The following TNRC6A variants were observed in gnomAD, a reference collection of about 807,000 sequenced individuals.
TNRC6A encodes trinucleotide repeat-containing gene 6A protein.
In TNRC6A, 44 loss-of-function variants were observed where a neutral mutation model predicts 221.2. The ratio of observed to expected loss-of-function variants is 0.20; its 90% CI spans 0.16 to 0.26. TNRC6A has a LOEUF of 0.26. Ranked by LOEUF, TNRC6A falls within the 10% of genes least tolerant of loss-of-function variation. The pLI is 1.00. For missense variants in TNRC6A, 2,199 were observed against 2,404.4 expected, an observed-to-expected ratio of 0.91 and a Z score of 1.79; for synonymous variants, 847 against 838.5, an observed-to-expected ratio of 1.01 and a Z score of -0.18.
chr16:24,637,144 C>T (rs554672669), intron 1 of TNRC6A, among the ~76,000 whole-genome samples: 6 of 152,196 alleles, frequency 3.9e-5, no homozygotes, highest in Non-Finnish European at 7.4e-5. Flanking sequence ...GTGATCCTCC[C>T]GTCTCAGCCT....
chr16:24,741,730 C>T (rs896847481), intron 2 of TNRC6A, among the ~76,000 whole-genome samples: 1 of 152,168 alleles, frequency 6.6e-6, no homozygotes, highest in African/African-American at 2.4e-5. Flanking sequence ...CTACTGTATG[C>T]ACTTCCTCCT....
intron 4 of TNRC6A, among the ~76,000 whole-genome samples, chr16:24,775,027 C>T (rs1255832755): frequency 6.6e-6 from 1 of 152,100 alleles, no homozygotes; most frequent in Non-Finnish European, 1.5e-5. Flanking sequence ...GGGTGGGGCA[C>T]ACATGGATGT....
intron 3 of TNRC6A, among the ~76,000 whole-genome samples, chr16:24,756,707 G>C (rs535588225): frequency 1.3e-5 from 2 of 152,240 alleles, no homozygotes; most frequent in African/African-American, 4.8e-5. Flanking sequence ...TGGCCAGGCT[G>C]GTCTCAAACT....
chr16:24,803,423 A>G (rs1291983660), intron 11 of TNRC6A: 1 of 152,120 alleles, frequency 6.6e-6, no homozygotes, highest in Non-Finnish European at 1.5e-5. Context: ...CTTCTCAAAA[A>G]AAAAAAGAAA....
At chr16:24,700,255 A>G (rs151093050) in intron 2 of TNRC6A, among the ~76,000 whole-genome samples, 69,918 of 150,634 alleles carry the variant, frequency 0.46, 17,366 homozygotes, top group African/African-American at 0.66. Flanking sequence ...TTTTTTTTTG[A>G]GACAGAGTCT....
At chr16:24,770,674 T>C (rs1032278118) in intron 4 of TNRC6A, among the ~76,000 whole-genome samples, 4 of 152,182 alleles carry the variant, frequency 2.6e-5, no homozygotes, top group South Asian at 2.1e-4. Context: ...CTTCCCTCCT[T>C]CTATCTGCTG....
chr16:24,692,634 TA>T (rs1436085893), intron 2 of TNRC6A, among the ~76,000 whole-genome samples: 1 of 151,284 alleles, frequency 6.6e-6, no homozygotes, highest in Non-Finnish European at 1.5e-5. Flanking sequence ...TAAAGTAAAA[TA>T]AAATAGAAAA....
rs758957416 is a variant in TNRC6A, at chr16:24,687,843, GGAA to G, written n.402+46872_402+46874del. ...AAGAGGAAGAAGAGGAAGAGGAAGA[GGAA>G]GAAGAAGAAGAAGAAGAAGAAGAAG... On this transcript the variant is annotated intron_variant and non_coding_transcript_variant, in intron 2 of 2. Coordinates refer to the TNRC6A transcript ENST00000566108. Among the ~76,000 whole-genome samples, 702 of 101,902 alleles carry G rather than the reference GGAA, an allele frequency of 6.9e-3. 20 individuals are homozygous for G. The highest frequency in any genetic ancestry group is 0.014 in the Middle Eastern group (3 of 208). The allele number at this position is 101,902 out of a possible 152,430, so 66.9% of individuals were successfully genotyped here.
intron 6 of TNRC6A, among the ~76,000 whole-genome samples, 176 bp downstream of exon 6, chr16:24,791,993 A>C (rs572452105): frequency 6.6e-6 from 1 of 152,284 alleles, no homozygotes; most frequent in East Asian, 1.9e-4. Flanking sequence ...CACTTTTGGC[A>C]GTGTTGTTTG....
intron 3 of TNRC6A, among the ~76,000 whole-genome samples, chr16:24,756,792 C>G (rs537527617): frequency 1.2e-4 from 18 of 152,214 alleles, no homozygotes; most frequent in African/African-American, 4.3e-4. Context: ...ACCTGGCCTA[C>G]TTTGGGTTTT....
At chr16:24,768,352 G>T (rs929928062) in intron 4 of TNRC6A, among the ~76,000 whole-genome samples, 2 of 146,352 alleles carry the variant, frequency 1.4e-5, no homozygotes, top group African/African-American at 5.1e-5. Context: ...AGAATGGCGT[G>T]AACCCGGGAG....
chr16:24,765,711 T>A (rs1056012199), intron 4 of TNRC6A, among the ~76,000 whole-genome samples: 1 of 152,182 alleles, frequency 6.6e-6, no homozygotes, highest in African/African-American at 2.4e-5. Context: ...GATTTGTAGC[T>A]CTGCACTAAC....
Position 24,790,856 on chromosome 16 carries a change from A to C in TNRC6A, c.2214A>C (p.Thr738=). 1 of 1,614,166 alleles carries C rather than the reference A, an allele frequency of 6.2e-7. No individual in the cohort carries two copies. Among genetic ancestry groups the C allele is most frequent in the Non-Finnish European group, 8.5e-7 (1 of 1,180,044 alleles). Residue 738 remains threonine (T), a synonymous_variant, in exon 6 of 25, where the codon ACA becomes ACC. Transcript: ENST00000395799. Reference sequence around the variant, plus strand: ...AGAATACTGCCTGGGATACAGAAACATCACCTAGAGGGGAACGAAAGACTG... The same window carrying C: ...AGAATACTGCCTGGGATACAGAAACCTCACCTAGAGGGGAACGAAAGACTG... ...IKQNTAWDTE[T]SPRGERKTDN... is the part of the protein sequence containing the mutation.
At chr16:24,786,257 C>T (rs1026444124) in intron 5 of TNRC6A, among the ~76,000 whole-genome samples, 3 of 151,940 alleles carry the variant, frequency 2.0e-5, no homozygotes, top group African/African-American at 7.3e-5. Context: ...TATTAAGCAC[C>T]TAATATGGAT....
rs2058798962 is a variant in TNRC6A at position 24,823,075 on chromosome 16, C to T, written c.5513+62C>T. Reference sequence around the variant, plus strand: ...AGGGGAAGGAGTGTGAGAGCACAGCCTGACCCGGGGCAGTGCACAGGGTCC... The same window carrying T: ...AGGGGAAGGAGTGTGAGAGCACAGCTTGACCCGGGGCAGTGCACAGGGTCC... On this transcript the variant is annotated intron_variant, in intron 24 of 24. Transcript: ENST00000395799. This position sits in a 1 kb window ranked among gnomAD's most constrained non-coding sequence, Gnocchi z 4.3. 6 of 1,608,108 alleles carry T rather than the reference C, an allele frequency of 3.7e-6. No individual in the cohort carries two copies. The South Asian group carries it at 6.7e-5, about 18-fold the overall frequency.
rs1193164248 is a variant in TNRC6A, at chr16:24,729,710, G to A, written c.-132G>A. ...CGGCGGCGGCGGCGGCGGCGGCGGC[G>A]GCGGCGGCAGCGGGTCGGTGTAGAA... On this transcript the variant is annotated 5_prime_UTR_variant, in exon 1 of 25. Coordinates refer to ENST00000395799, the MANE Select transcript of TNRC6A (RefSeq NM_014494.4). 5 of 1,092,940 alleles carry A rather than the reference G, an allele frequency of 4.6e-6. No homozygotes were observed. The highest frequency in any genetic ancestry group is 4.2e-5 in the Admixed American group (1 of 23,582). The allele number at this position is 1,092,940 out of a possible 1,614,324, so 67.7% of individuals were successfully genotyped here.
chr16:24,810,496 A>G (rs2058520584), intron 18 of TNRC6A, among the ~76,000 whole-genome samples: 1 of 152,236 alleles, frequency 6.6e-6, no homozygotes, highest in Non-Finnish European at 1.5e-5. Context: ...AATAATACCA[A>G]GTTCCTTAGG....
intron 1 of TNRC6A, among the ~76,000 whole-genome samples, chr16:24,623,308 C>A (rs1453954011): frequency 6.6e-6 from 1 of 152,144 alleles, no homozygotes; most frequent in Non-Finnish European, 1.5e-5. Context: ...ACGCCATTCT[C>A]CTGCCTCAGC....
chr16:24,750,866 AAAAAT>A, intron 3 of TNRC6A, 53 bp downstream of exon 3: 1 of 1,353,138 alleles, frequency 7.4e-7, no homozygotes. Flanking sequence ...AGAATTAAAA[AAAAAT>A]TACTCTTACA....
Sources: allele counts gnomAD v4.1 joint callset (sites outside exome capture counted in the v4.1 genomes callset), GRCh38; gene constraint gnomAD v4.1.1; non-coding constraint Gnocchi (gnomAD v3.1); transcripts MANE v1.5; gene names NCBI Gene and HGNC (gene_info 2026-07-23, HGNC 2026-07-21).